The following ALG14 variants were observed in gnomAD, a reference collection of about 807,000 sequenced individuals.
The protein encoded by ALG14 is UDP-N-acetylglucosamine transferase subunit ALG14.
A neutral mutation model predicts 22.8 loss-of-function variants in ALG14; 17 were observed. That is an observed-to-expected ratio of 0.75 (90% CI 0.51 to 1.12). The LOEUF is 1.12. Among genes scored for constraint, ALG14 ranks in the 50% most tolerant of loss-of-function variants. The pLI is 0.00. For synonymous variants in ALG14, 89 were observed against 103.7 expected (o/e 0.86, Z 0.86); for missense variants, 288 against 271.8 (o/e 1.06, Z -0.42).
At chr1:95,020,841 G>A (rs529772707) in intron 3 of ALG14, among the ~76,000 whole-genome samples, 6 of 152,182 alleles carry the variant, frequency 3.9e-5, no homozygotes, top group East Asian at 3.9e-4. Flanking sequence ...TTTGGAACTC[G>A]ATGCTGTAAA....
At chr1:95,057,552 G>A (rs1026639680) in intron 2 of ALG14, among the ~76,000 whole-genome samples, 27 of 151,252 alleles carry the variant, frequency 1.8e-4, no homozygotes, top group African/African-American at 5.8e-4. Context: ...TTTGGCATCC[G>A]TGCAAGGTCG....
chr1:94,981,271 A>C lies in ALG14; in HGVS notation c.*1805T>G, dbSNP rs1278012576. Reference sequence around the variant, plus strand: ...AACCAGTGACTGAGATTTGAGGATTAAAATCAAAGCACAATGAACTATCAT... The same window carrying C: ...AACCAGTGACTGAGATTTGAGGATTCAAATCAAAGCACAATGAACTATCAT... On this transcript the variant is annotated 3_prime_UTR_variant, in exon 4 of 4. Transcript: ENST00000370205. 1 of 152,162 alleles carries C rather than the reference A, an allele frequency of 6.6e-6. No individual in the cohort carries two copies. The allele number at this position is 152,162 out of a possible 1,614,324, so 9.4% of individuals were successfully genotyped here.
At chr1:95,020,410 A>C (rs1336683625) in intron 3 of ALG14, among the ~76,000 whole-genome samples, 2 of 151,944 alleles carry the variant, frequency 1.3e-5, no homozygotes, top group African/African-American at 2.4e-5. Context: ...TCTGTGTTTT[A>C]ATCTTTTTTT....
chr1:95,003,450 CT>C (rs11286582), intron 3 of ALG14, among the ~76,000 whole-genome samples: 42,261 of 133,970 alleles, frequency 0.32, 6,136 homozygotes, highest in East Asian at 0.54. Context: ...TGCCCTCATT[CT>C]TTTTTTTTTT....
intron 3 of ALG14, among the ~76,000 whole-genome samples, chr1:95,006,666 TG>T (rs2100743517): frequency 6.6e-6 from 1 of 152,378 alleles, no homozygotes; most frequent in East Asian, 1.9e-4. Context: ...CCAGTCATTC[TG>T]GCATGGCTTT....
chr1:94,995,690 G>A (rs912857706), intron 3 of ALG14, among the ~76,000 whole-genome samples: 3 of 152,180 alleles, frequency 2.0e-5, no homozygotes, highest in African/African-American at 7.2e-5. Flanking sequence ...CTCCAGCCTG[G>A]GTGACAGAAT....
chr1:94,999,032 CA>C (rs2100731682), intron 3 of ALG14, among the ~76,000 whole-genome samples: 1 of 152,066 alleles, frequency 6.6e-6, no homozygotes, highest in East Asian at 1.9e-4. Flanking sequence ...CAAAATCTCT[CA>C]GAACAAACAC....
At chr1:95,013,466 C>T (rs1426722813) in intron 3 of ALG14, among the ~76,000 whole-genome samples, 1 of 151,910 alleles carries the variant, frequency 6.6e-6, no homozygotes, top group African/African-American at 2.4e-5. Context: ...ACTACAGGTG[C>T]CAACCACCAC....
At chr1:95,003,073 T>C (rs1337643195) in intron 3 of ALG14, among the ~76,000 whole-genome samples, 1 of 152,220 alleles carries the variant, frequency 6.6e-6, no homozygotes, top group Non-Finnish European at 1.5e-5. Flanking sequence ...GGAGATTAAA[T>C]GTCAGGCTTT....
At chr1:95,065,278 A>G (rs1675317729) in intron 1 of ALG14, among the ~76,000 whole-genome samples, 1 of 152,176 alleles carries the variant, frequency 6.6e-6, no homozygotes, top group South Asian at 2.1e-4. Context: ...ACAAAACAGT[A>G]TAAGACATAG....
intron 3 of ALG14, among the ~76,000 whole-genome samples, chr1:94,998,857 G>A (rs1252638156): frequency 2.0e-5 from 3 of 152,170 alleles, no homozygotes; most frequent in Non-Finnish European, 4.4e-5. Flanking sequence ...GGCTTGGGAA[G>A]ATGAGTAAGC....
intron 3 of ALG14, among the ~76,000 whole-genome samples, chr1:95,008,324 A>C (rs1443099855): frequency 1.3e-5 from 2 of 152,198 alleles, no homozygotes; most frequent in Non-Finnish European, 2.9e-5. Flanking sequence ...TCAGAGGCTA[A>C]ATTTTATGTG....
At chr1:94,984,387 CAGAA>C (rs986036966) in intron 3 of ALG14, among the ~76,000 whole-genome samples, 2 of 152,178 alleles carry the variant, frequency 1.3e-5, no homozygotes, top group Admixed American at 1.3e-4. Flanking sequence ...CTCTCCCCGA[CAGAA>C]AGAGAGCCAT....
intron 3 of ALG14, among the ~76,000 whole-genome samples, chr1:94,998,072 C>T (rs537224225): frequency 1.3e-5 from 2 of 152,278 alleles, no homozygotes; most frequent in Non-Finnish European, 2.9e-5. Flanking sequence ...GTTCAGCTAA[C>T]AGGGAAAGTA....
At chr1:95,062,696 T>C (rs772464731) in intron 2 of ALG14, among the ~76,000 whole-genome samples, 7 of 152,220 alleles carry the variant, frequency 4.6e-5, no homozygotes, top group Admixed American at 6.5e-5. Context: ...ATCCATTCTA[T>C]CATTGATGGG....
chr1:95,057,493 T>C (rs1348302819), intron 2 of ALG14, among the ~76,000 whole-genome samples: 1 of 151,686 alleles, frequency 6.6e-6, no homozygotes, highest in Non-Finnish European at 1.5e-5. Flanking sequence ...GGATGAGCAA[T>C]GTGCAAATAC....
chr1:95,056,719 G>A (rs1223485194), intron 2 of ALG14, among the ~76,000 whole-genome samples: 2 of 150,912 alleles, frequency 1.3e-5, no homozygotes, highest in African/African-American at 4.8e-5. Flanking sequence ...AAGTCCTAAG[G>A]GAAAATATAA....
chr1:94,988,793 A>T (rs1159393569), intron 3 of ALG14, among the ~76,000 whole-genome samples: 14 of 152,228 alleles, frequency 9.2e-5, no homozygotes, highest in Non-Finnish European at 2.1e-4. Context: ...ATAGTGGCAT[A>T]GAAAGTTTGC....
At chr1:94,992,387 G>C (rs1255332288) in intron 3 of ALG14, among the ~76,000 whole-genome samples, 2 of 152,114 alleles carry the variant, frequency 1.3e-5, no homozygotes, top group Non-Finnish European at 2.9e-5. Flanking sequence ...TGATATAGAA[G>C]ACAAAGACTT....
Sources: allele counts gnomAD v4.1 joint callset (sites outside exome capture counted in the v4.1 genomes callset), GRCh38; gene constraint gnomAD v4.1.1; transcripts MANE v1.5; gene names NCBI Gene and HGNC (gene_info 2026-07-23, HGNC 2026-07-21).